CADM2: variants seen among roughly 807,000 people sequenced by gnomAD.
The protein encoded by CADM2 is immunoglobulin superfamily member 4D.
Under a neutral mutation model 49.8 loss-of-function variants are expected in CADM2, and 12 were observed. That is an observed-to-expected ratio of 0.24 (90% CI 0.15 to 0.39). The LOEUF (loss-of-function observed/expected upper bound fraction) is 0.39, where lower values mean the gene tolerates loss of function less well. Ranked by LOEUF, CADM2 falls within the 10% of genes least tolerant of loss-of-function variation. CADM2 has a pLI of 1.00. For missense variants in CADM2, 378 were observed against 492.3 expected, an observed-to-expected ratio of 0.77 and a Z score of 2.20; for synonymous variants, 214 against 175.4, an observed-to-expected ratio of 1.22 and a Z score of -1.74.
chr3:85,251,106 T>A (rs982421206), intron 1 of CADM2, among the ~76,000 whole-genome samples: 20 of 151,594 alleles, frequency 1.3e-4, no homozygotes, highest in African/African-American at 4.8e-4. Context: ...TTAAATTGAG[T>A]TTTTTTTCCA....
Position 85,941,002 on chromosome 3 carries a change from C to T in CADM2, c.791+5145C>T, listed in dbSNP as rs938628281. Among the ~76,000 whole-genome samples the T allele has an allele frequency of 2.6e-5, 4 of 151,962 alleles. 1 individual carries two copies. The highest frequency in any genetic ancestry group is 5.9e-5 in the Non-Finnish European group (4 of 67,996). ...GTTACATTTGTTGTAATCAATGTAC[C>T]TACACTGACCCATCATTACGACACC... On this transcript the variant is annotated intron_variant, in intron 7 of 9. Transcript: ENST00000383699.
At chr3:85,482,164 A>G (rs2039240214) in intron 1 of CADM2, among the ~76,000 whole-genome samples, 1 of 151,756 alleles carries the variant, frequency 6.6e-6, no homozygotes, top group South Asian at 2.1e-4. Context: ...ATGCCGATTT[A>G]CTGAATCTGT....
At chr3:86,012,667 G>T in intron 8 of CADM2, 1 of 1,383,294 alleles carries the variant, frequency 7.2e-7, no homozygotes, top group Non-Finnish European at 1.0e-6. Flanking sequence ...AGTGGGTGGA[G>T]AATTGTAGGA....
intron 1 of CADM2, among the ~76,000 whole-genome samples, chr3:85,652,743 C>G (rs1243730058): frequency 1.6e-5 from 2 of 128,498 alleles, no homozygotes; most frequent in Admixed American, 1.7e-4. Flanking sequence ...AATGTGCATA[C>G]AAATAACCTG....
At chr3:85,444,468 C>CACA in intron 1 of CADM2, among the ~76,000 whole-genome samples, 1 of 150,972 alleles carries the variant, frequency 6.6e-6, no homozygotes, top group African/African-American at 2.4e-5. Context: ...CACACACACA[C>CACA]CCTTGCCCCA....
intron 1 of CADM2, among the ~76,000 whole-genome samples, chr3:85,593,683 A>G (rs942163448): frequency 6.6e-6 from 1 of 152,010 alleles, no homozygotes; most frequent in Non-Finnish European, 1.5e-5. Flanking sequence ...ATCTGCTGTA[A>G]AATTAAATAC....
At chr3:86,016,292 A>G (rs1577958210) in intron 8 of CADM2, among the ~76,000 whole-genome samples, 1 of 152,136 alleles carries the variant, frequency 6.6e-6, no homozygotes, top group Non-Finnish European at 1.5e-5. Context: ...ATCTACCTAT[A>G]TCTTTTTATA....
intron 3 of CADM2, among the ~76,000 whole-genome samples, chr3:85,851,959 G>A: frequency 6.6e-6 from 1 of 152,026 alleles, no homozygotes; most frequent in East Asian, 1.9e-4. Flanking sequence ...AGTGGTTTAT[G>A]TTAACTGTTT....
At position 85,790,790 on chromosome 3, in the gene CADM2, C is replaced by G. The variant is rs574858468; in HGVS notation, c.89-11257C>G. 8.9e-4 allele frequency among the ~76,000 whole-genome samples: 136 copies of G among 152,276 alleles called. 1 individual carries two copies. The highest frequency in any genetic ancestry group is 3.1e-3 in the African/African-American group (129 of 41,568). On this transcript the variant is annotated intron_variant, in intron 2 of 9. Coordinates refer to ENST00000383699, the MANE Select transcript of CADM2 (RefSeq NM_001167675.2). ...CTTGCAAGACCCAGCTGCCAGCCAG[C>G]TTTGTTTCTTCCCTGCCTTGGTCTG...
At chr3:85,840,877 T>C (rs965566279) in intron 3 of CADM2, among the ~76,000 whole-genome samples, 4 of 151,796 alleles carry the variant, frequency 2.6e-5, no homozygotes, top group Admixed American at 6.6e-5. Flanking sequence ...ACTGGGCATA[T>C]GTAGGGACTT....
intron 8 of CADM2, among the ~76,000 whole-genome samples, chr3:85,988,415 A>G (rs1198456924): frequency 1.3e-5 from 2 of 152,192 alleles, no homozygotes; most frequent in African/African-American, 2.4e-5. Context: ...ACATTTATAC[A>G]GTTTTAGTAT....
chr3:85,386,345 A>AGGAGAGCAGGTCCCATCCTGAAAC (rs2034231181), intron 1 of CADM2, among the ~76,000 whole-genome samples: 1 of 152,188 alleles, frequency 6.6e-6, no homozygotes, highest in Non-Finnish European at 1.5e-5. Flanking sequence ...TAAAGTATTA[A>AGGAGAGCAGGTCCCATCCTGAAAC]GGAGAGCAGG....
intron 6 of CADM2, among the ~76,000 whole-genome samples, chr3:85,928,868 A>G (rs909450044): frequency 1.3e-5 from 2 of 152,176 alleles, no homozygotes; most frequent in Non-Finnish European, 2.9e-5. Flanking sequence ...GAGTAAGTTA[A>G]TATATTAGAT....
chr3:85,864,349 T>C (rs2075647328), intron 3 of CADM2, among the ~76,000 whole-genome samples: 1 of 152,222 alleles, frequency 6.6e-6, no homozygotes, highest in African/African-American at 2.4e-5. Flanking sequence ...TTCAGTTTGC[T>C]AAATATTTTG....
At chr3:85,576,326 A>G (rs958525880) in intron 1 of CADM2, among the ~76,000 whole-genome samples, 6 of 152,204 alleles carry the variant, frequency 3.9e-5, no homozygotes, top group African/African-American at 1.4e-4. Flanking sequence ...AAGCTGAGAA[A>G]GCATTCAAAT....
intron 7 of CADM2, among the ~76,000 whole-genome samples, chr3:85,955,417 A>G (rs1723932515): frequency 6.6e-6 from 1 of 151,436 alleles, no homozygotes; most frequent in African/African-American, 2.4e-5. Flanking sequence ...TAGGAGACCT[A>G]CATGATGGGA....
chr3:85,990,013 C>CAAAAAAAAAAAAAAAAAA lies in CADM2; in HGVS notation c.970+28380_970+28397dup, dbSNP rs58178176. Among the ~76,000 whole-genome samples, 13 of 9,638 alleles carry CAAAAAAAAAAAAAAAAAA rather than the reference C, an allele frequency of 1.3e-3. 2 individuals are homozygous for CAAAAAAAAAAAAAAAAAA. Among genetic ancestry groups the CAAAAAAAAAAAAAAAAAA allele is most frequent in the African/African-American group, 2.6e-3 (10 of 3,794 alleles). The allele number at this position is 9,638 out of a possible 152,430, so 6.3% of individuals were successfully genotyped here. ...GGCGACAAGAGAGAAACTCCATGTC[C>CAAAAAAAAAAAAAAAAAA]AAAAAAAAAAAAAAAAAAAAAAAAA... On this transcript the variant is annotated intron_variant, in intron 8 of 9. Coordinates refer to ENST00000383699, the MANE Select transcript of CADM2 (RefSeq NM_001167675.2).
chr3:86,007,797 A>T (rs1730974992), intron 8 of CADM2, among the ~76,000 whole-genome samples: 1 of 152,192 alleles, frequency 6.6e-6, no homozygotes, highest in Non-Finnish European at 1.5e-5. Flanking sequence ...TTCAGTTTTA[A>T]TGTCCTGTTC....
chr3:85,121,083 T>C (rs943865249), intron 1 of CADM2, among the ~76,000 whole-genome samples: 2 of 152,150 alleles, frequency 1.3e-5, no homozygotes, highest in Non-Finnish European at 2.9e-5. Context: ...GATTATGTCT[T>C]CAGGCCTCAA....
Sources: allele counts gnomAD v4.1 joint callset (sites outside exome capture counted in the v4.1 genomes callset), GRCh38; gene constraint gnomAD v4.1.1; transcripts MANE v1.5; gene names NCBI Gene and HGNC (gene_info 2026-07-23, HGNC 2026-07-21).